MAN2B1: variants seen among roughly 807,000 people sequenced by gnomAD.
MAN2B1 encodes the protein lysosomal alpha-mannosidase.
In MAN2B1, 99 loss-of-function variants were observed where a neutral mutation model predicts 127.5. That is an observed-to-expected ratio of 0.78 (90% CI 0.66 to 0.92). The LOEUF (loss-of-function observed/expected upper bound fraction) is 0.92, where lower values mean the gene tolerates loss of function less well. Among genes scored for constraint, MAN2B1 ranks in the 40% least tolerant of loss-of-function variants. The pLI, the probability that MAN2B1 is intolerant of heterozygous loss-of-function variation, is 0.00. For missense variants in MAN2B1, 1,304 were observed against 1,384.8 expected (o/e 0.94, Z 0.93); for synonymous variants, 573 against 568.8 (o/e 1.01, Z -0.11).
chr19:12,665,336 CT>C lies in MAN2B1; in HGVS notation c.436+15del. ...GGGCTGGGCTTCCTCTTTTCACTTC[CT>C]TGGGGTAGGCTCACCCTGGCGCACA... On this transcript the variant is annotated intron_variant, in intron 3 of 23. Coordinates refer to ENST00000456935, the MANE Select transcript of MAN2B1 (RefSeq NM_000528.4). The C allele has an allele frequency of 6.2e-7, 1 of 1,602,034 alleles. No individual in the cohort carries two copies. Among genetic ancestry groups the C allele is most frequent in the South Asian group, 1.1e-5 (1 of 91,058 alleles).
intron 16 of MAN2B1, among the ~76,000 whole-genome samples, chr19:12,650,967 C>T (rs866951899): frequency 2.0e-5 from 3 of 148,492 alleles, no homozygotes; most frequent in South Asian, 2.1e-4. Flanking sequence ...CCACTGCACC[C>T]GGCCTCTTTT....
intron 11 of MAN2B1, 119 bp downstream of exon 11, chr19:12,657,327 G>A (rs1048426744): frequency 1.1e-6 from 1 of 900,470 alleles, no homozygotes; most frequent in Non-Finnish European, 1.7e-6. Flanking sequence ...ACGAGCCCTT[G>A]TAGCCCCGCC....
At chr19:12,657,149 C>T (rs934637429) in intron 11 of MAN2B1, 93 bp from the exon 12 acceptor site, 5 of 814,220 alleles carry the variant, frequency 6.1e-6, no homozygotes, top group South Asian at 1.4e-5. Context: ...GTCTCTGTCC[C>T]GCCTCCCTCA....
Position 12,665,502 on chromosome 19 carries a change from C to T in MAN2B1, c.286G>A (p.Gly96Ser), listed in dbSNP as rs148724402. 1.4e-5 allele frequency: 22 copies of T among 1,614,154 alleles called. No individual in the cohort carries two copies. The highest frequency in any genetic ancestry group is 1.1e-4 in the East Asian group (5 of 44,872). ...YGIKNDIQHAGVQYILDSVIS... is the reference protein window; with the variant it reads ...YGIKNDIQHASVQYILDSVIS... ...ACCGAGTCCAGGATGTACTGCACAC[C>T]GGCGTGCTGGATGTCATTCTTGACT... The change falls in exon 3 of 24, where the codon GGT (glycine) becomes AGT (serine). Residue 96 changes from glycine to serine, a missense_variant. Transcript: ENST00000456935.
At chr19:12,665,017 G>A (rs1298838898) in intron 3 of MAN2B1, 32 bp from the exon 4 acceptor site, 4 of 1,601,788 alleles carry the variant, frequency 2.5e-6, no homozygotes, top group South Asian at 1.1e-5. Context: ...CAGGGTCAGC[G>A]GTCAGAGCCA....
In MAN2B1 at chr19:12,665,000, G is replaced by A; in HGVS notation, c.437-15C>T. The A allele has an allele frequency of 1.2e-6, 2 of 1,611,620 alleles. No homozygotes were observed. Among genetic ancestry groups the A allele is most frequent in the East Asian group, 2.2e-5 (1 of 44,876 alleles). On this transcript the variant is annotated splice_polypyrimidine_tract_variant and intron_variant, in intron 3 of 23. Coordinates refer to ENST00000456935, the MANE Select transcript of MAN2B1 (RefSeq NM_000528.4). ...CTCCAGGCGCCCTGTGCCAGGACAG[G>A]CAAGGTCAGGGTCAGCGGTCAGAGC...
chr19:12,656,655 C>T lies in MAN2B1; in HGVS notation c.1560G>A (p.Arg520=). The T allele has an allele frequency of 6.2e-7, 1 of 1,614,000 alleles. No homozygotes were observed. Among genetic ancestry groups the T allele is most frequent in the Non-Finnish European group, 8.5e-7 (1 of 1,179,946 alleles). ...GCAGCCGTACCATCCAATTCACCTT[C>T]CGCCCCAGGGGATTATAAACGATGA... ...FQVIVYNPLG[R]KVNWMVRLPV... is the part of the protein sequence containing the mutation. The change falls in exon 13 of 24, where the codon CGG becomes CGA. Residue 520 remains arginine (R), a synonymous_variant. Transcript: ENST00000456935.
intron 10 of MAN2B1, 77 bp from the exon 11 acceptor site, chr19:12,657,632 C>A (rs1020127758): frequency 4.1e-5 from 53 of 1,279,270 alleles, no homozygotes; most frequent in Non-Finnish European, 5.9e-5. Flanking sequence ...AGGTCCGGTG[C>A]TGGCGGGCAG....
intron 4 of MAN2B1, 59 bp from the exon 5 acceptor site, chr19:12,663,894 C>A: frequency 1.2e-6 from 2 of 1,610,264 alleles, no homozygotes; most frequent in South Asian, 2.2e-5. Flanking sequence ...CACCACCAAA[C>A]TCCCCTCTGC....
At chr19:12,650,511 A>T (rs2023819246) in intron 16 of MAN2B1, among the ~76,000 whole-genome samples, 1 of 147,782 alleles carries the variant, frequency 6.8e-6, no homozygotes, top group Non-Finnish European at 1.5e-5. Context: ...GGCACCCGCC[A>T]CCACACCCGG....
intron 12 of MAN2B1, 39 bp downstream of exon 12, chr19:12,656,910 C>A (rs774677014): frequency 2.0e-6 from 3 of 1,505,062 alleles, no homozygotes; most frequent in Non-Finnish European, 2.8e-6. Context: ...CCCTCTAAAG[C>A]CCATCTGCCC....
rs1361088340 is a variant in MAN2B1 at position 12,658,461 on chromosome 19, T to G, written c.1076A>C (p.Tyr359Ser). ...VHVLYSTPAC[Y>S]LWELNKANLT... ...GTTGGCCTTGTTCAGCTCCCAGAGGTAACAAGCGGGGGTGGAGTAGAGAAC... is the reference window on the plus strand; with the variant it reads ...GTTGGCCTTGTTCAGCTCCCAGAGGGAACAAGCGGGGGTGGAGTAGAGAAC... Residue 359 changes from tyrosine (Y) to serine (S), a missense_variant, in exon 8 of 24, where the codon TAC becomes TCC. Tyr to Ser is a moderately radical substitution (Grantham distance 144). Transcript: ENST00000456935. 6.2e-7 allele frequency: 1 copy of G among 1,614,074 alleles called. No homozygotes were observed. The highest frequency in any genetic ancestry group is 8.5e-7 in the Non-Finnish European group (1 of 1,180,008).
At chr19:12,649,858 C>CCCGGGCCCCAACA in intron 18 of MAN2B1, 55 bp downstream of exon 18, 1 of 1,405,206 alleles carries the variant, frequency 7.1e-7, no homozygotes. Flanking sequence ...CCTCACCACC[C>CCCGGGCCCCAACA]CTGGGCCCCA....
In MAN2B1 at chr19:12,657,039, CGCGTTGCTCAGAA is replaced by C; in HGVS notation, c.1424_1436del (p.Leu475ArgfsTer18). 1.2e-6 allele frequency: 2 copies of C among 1,610,744 alleles called. No individual in the cohort carries two copies. The highest frequency in any genetic ancestry group is 1.7e-6 in the Non-Finnish European group (2 of 1,178,782). ...CTTTGAAGCCTCTGAGCCGCGCCAG[CGCGTTGCTCAGAA>C]GAACCTGCGGAAGAGCGCAAAGGGA... On this transcript the variant is annotated frameshift_variant, in exon 12 of 24. Coordinates refer to ENST00000456935, the MANE Select transcript of MAN2B1 (RefSeq NM_000528.4). LOFTEE classifies it high-confidence loss of function.
At chr19:12,662,937 C>CA (rs33998995) in intron 6 of MAN2B1, among the ~76,000 whole-genome samples, 56,881 of 125,808 alleles carry the variant, frequency 0.45, 12,272 homozygotes, top group African/African-American at 0.54. Context: ...GACTCTGTCT[C>CA]AAAAAAAAAA....
intron 4 of MAN2B1, 121 bp from the exon 5 acceptor site, chr19:12,663,956 G>T: frequency 7.6e-7 from 1 of 1,319,454 alleles, no homozygotes; most frequent in Non-Finnish European, 1.1e-6. Context: ...AGGTCGATGT[G>T]GTGGCTCTTG....
intron 10 of MAN2B1, 160 bp downstream of exon 10, chr19:12,657,903 C>G (rs1470032013): frequency 1.5e-4 from 104 of 700,608 alleles, no homozygotes; most frequent in Non-Finnish European, 1.2e-5. Context: ...TGCAGTGAGC[C>G]GAGATCGCAC....
chr19:12,647,539 C>T lies in MAN2B1; in HGVS notation c.2724G>A (p.Trp908Ter), dbSNP rs559789684. The change falls in exon 22 of 24, where the codon TGG becomes TGA. Residue 908 changes from tryptophan to a stop codon, truncating the protein, a stop_gained. Coordinates refer to ENST00000456935, the MANE Select transcript of MAN2B1 (RefSeq NM_000528.4). LOFTEE classifies it high-confidence loss of function. The surrounding 1 kb of genome is among the most constrained non-coding windows in gnomAD (Gnocchi z 4.9). ...AGCGCAGCAGCACCATTTCGGGGCCCCAGCTGGCCAGCGTGAGCAGGTGCA... is the reference window on the plus strand; with the variant it reads ...AGCGCAGCAGCACCATTTCGGGGCCTCAGCTGGCCAGCGTGAGCAGGTGCA... The part of the protein sequence containing the change: ...PSVHLLTLAS[W>*]GPEMVLLRLE... 32 of 1,614,214 alleles carry T rather than the reference C, an allele frequency of 2.0e-5. No individual in the cohort carries two copies. Among genetic ancestry groups the T allele is most frequent in the Non-Finnish European group, 2.7e-5 (32 of 1,180,026 alleles).
At chr19:12,649,853 C>CCCCCCCCCGGCCCCCACA in intron 18 of MAN2B1, 60 bp downstream of exon 18, 1 of 1,346,412 alleles carries the variant, frequency 7.4e-7, no homozygotes, top group Non-Finnish European at 1.1e-6. Flanking sequence ...ATTTCCCTCA[C>CCCCCCCCCGGCCCCCACA]CACCCCTGGG....
Sources: allele counts gnomAD v4.1 joint callset (sites outside exome capture counted in the v4.1 genomes callset), GRCh38; gene constraint gnomAD v4.1.1; non-coding constraint Gnocchi (gnomAD v3.1); transcripts MANE v1.5; gene names NCBI Gene and HGNC (gene_info 2026-07-23, HGNC 2026-07-21).